RTCA: variants seen among roughly 807,000 people sequenced by gnomAD.
RTCA encodes the protein RNA 3'-terminal phosphate cyclase.
In RTCA, 37 loss-of-function variants were observed where a neutral mutation model predicts 46.1. The ratio of observed to expected loss-of-function variants is 0.80; its 90% CI spans 0.62 to 1.06. The LOEUF is 1.06. Ranked by LOEUF, RTCA falls within the 50% of genes least tolerant of loss-of-function variation. RTCA has a pLI of 0.00. For missense variants in RTCA, 435 were observed against 455.5 expected (o/e 0.95, Z 0.41); for synonymous variants, 164 against 158.3 (o/e 1.04, Z -0.27).
intron 3 of RTCA, among the ~76,000 whole-genome samples, chr1:100,270,128 A>G (rs902487299): frequency 6.6e-6 from 1 of 152,210 alleles, no homozygotes; most frequent in African/African-American, 2.4e-5. Flanking sequence ...GTAACTAATC[A>G]TATCCAGACC....
chr1:100,280,324 A>G (rs1295099175), intron 8 of RTCA, among the ~76,000 whole-genome samples: 1 of 152,206 alleles, frequency 6.6e-6, no homozygotes, highest in African/African-American at 2.4e-5. Context: ...TCAGTAATAC[A>G]TGGAATTTTT....
intron 3 of RTCA, among the ~76,000 whole-genome samples, chr1:100,268,756 C>T (rs1277084398): frequency 1.3e-5 from 2 of 152,124 alleles, no homozygotes; most frequent in Non-Finnish European, 2.9e-5. Context: ...CAGTTCAATA[C>T]TTAAGCATCA....
At chr1:100,269,020 C>CAT (rs962161629) in intron 3 of RTCA, among the ~76,000 whole-genome samples, 53 of 148,826 alleles carry the variant, frequency 3.6e-4, no homozygotes, top group African/African-American at 1.2e-3. Context: ...AAAACCCCGT[C>CAT]ATATATATAT....
intron 9 of RTCA, among the ~76,000 whole-genome samples, chr1:100,285,893 CAG>C (rs1405751264): frequency 6.6e-6 from 1 of 152,236 alleles, no homozygotes; most frequent in Non-Finnish European, 1.5e-5. Flanking sequence ...TTTGGCCTCC[CAG>C]AGTTTTGAGA....
Position 100,291,678 on chromosome 1 carries a change from C to T in RTCA, c.*174C>T, listed in dbSNP as rs2100820468. On this transcript the variant is annotated 3_prime_UTR_variant, in exon 11 of 11. Transcript: ENST00000370128. ...TAAATTAATCTCACTTTGAATATCT[C>T]CTGAGAGATGGACAATGAAATATCA... The T allele has an allele frequency of 2.4e-6, 1 of 412,428 alleles. No homozygotes were observed. Among genetic ancestry groups the T allele is most frequent in the African/African-American group, 2.0e-5 (1 of 48,796 alleles). 25.5% of individuals were successfully genotyped at this position (412,428 alleles called of 1,614,324 possible).
chr1:100,287,236 T>C (rs766732965), intron 10 of RTCA, 33 bp downstream of exon 10: 5 of 1,484,832 alleles, frequency 3.4e-6, no homozygotes, highest in Non-Finnish European at 4.5e-6. Flanking sequence ...AAATTGATAT[T>C]TTGATTTTTA....
chr1:100,277,846 C>T (rs1039795699), intron 8 of RTCA, among the ~76,000 whole-genome samples: 1 of 151,814 alleles, frequency 6.6e-6, no homozygotes, highest in African/African-American at 2.4e-5. Context: ...TCTTTAGTCC[C>T]TCTTTTAATA....
chr1:100,266,411 C>T lies in RTCA; in HGVS notation c.36C>T (p.Ile12=). The T allele has an allele frequency of 6.2e-7, 1 of 1,612,462 alleles. No homozygotes were observed. Among genetic ancestry groups the T allele is most frequent in the Non-Finnish European group, 8.5e-7 (1 of 1,179,428 alleles). ...CGCGGGTGGAGGTCGATGGCAGCATCATGGAAGGGGTGAGTACAGAGCGAA... is the reference window on the plus strand; with the variant it reads ...CGCGGGTGGAGGTCGATGGCAGCATTATGGAAGGGGTGAGTACAGAGCGAA... The part of the protein sequence containing the change: ...AGPRVEVDGS[I]MEGGGQILRV... Residue 12 remains isoleucine, a synonymous_variant, in exon 1 of 11, where the codon ATC becomes ATT. Coordinates refer to ENST00000370128, the MANE Select transcript of RTCA (RefSeq NM_003729.4).
chr1:100,270,604 C>G lies in RTCA; in HGVS notation c.338C>G (p.Ala113Gly). The G allele has an allele frequency of 6.2e-7, 1 of 1,614,092 alleles. No homozygotes were observed. Among genetic ancestry groups the G allele is most frequent in the Non-Finnish European group, 8.5e-7 (1 of 1,179,978 alleles). ...MQVSMPCVLF[A>G]ASPSELHLKG... ...GTCTCAATGCCGTGTGTTCTCTTTGCTGCTTCTCCATCAGAACTTCATTTG... is the reference window on the plus strand; with the variant it reads ...GTCTCAATGCCGTGTGTTCTCTTTGGTGCTTCTCCATCAGAACTTCATTTG... Residue 113 changes from alanine (A) to glycine (G), a missense_variant, in exon 4 of 11, where the codon GCT (alanine) becomes GGT (glycine). Physicochemically the swap from Ala to Gly is moderately conservative, Grantham distance 60. Coordinates refer to ENST00000370128, the MANE Select transcript of RTCA (RefSeq NM_003729.4).
At chr1:100,266,736 C>A in intron 2 of RTCA, 112 bp downstream of exon 2, 1 of 865,708 alleles carries the variant, frequency 1.2e-6, no homozygotes, top group Non-Finnish European at 1.8e-6. Flanking sequence ...GTCCCAGACG[C>A]AGGTATGGGC....
intron 10 of RTCA, among the ~76,000 whole-genome samples, chr1:100,289,304 T>G (rs532920867): frequency 6.8e-6 from 1 of 148,020 alleles, no homozygotes; most frequent in African/African-American, 2.5e-5. Flanking sequence ...AATTTTTTTT[T>G]TGTTTTTGTT....
chr1:100,281,318 A>G (rs1342462801), intron 8 of RTCA: 1 of 533,578 alleles, frequency 1.9e-6, no homozygotes, highest in Non-Finnish European at 3.8e-6. Flanking sequence ...GCAGTGTGTT[A>G]TGATAGAGAG....
At chr1:100,271,701 AT>A (rs1378283848) in intron 4 of RTCA, among the ~76,000 whole-genome samples, 2 of 152,098 alleles carry the variant, frequency 1.3e-5, no homozygotes, top group Non-Finnish European at 2.9e-5. Context: ...TTAAAGTGTA[AT>A]TTTTTCAATT....
intron 8 of RTCA, among the ~76,000 whole-genome samples, chr1:100,283,881 A>G (rs1666861087): frequency 7.7e-6 from 1 of 129,314 alleles, no homozygotes; most frequent in African/African-American, 2.7e-5. Context: ...TGAGTTCAGG[A>G]GTTTGAGACC....
At chr1:100,283,523 G>C (rs1025962922) in intron 8 of RTCA, among the ~76,000 whole-genome samples, 1 of 152,102 alleles carries the variant, frequency 6.6e-6, no homozygotes, top group African/African-American at 2.4e-5. Flanking sequence ...AAGCATTTCA[G>C]ATAAGGGTTA....
At chr1:100,267,604 T>G (rs371724695) in intron 2 of RTCA, 1 of 1,485,234 alleles carries the variant, frequency 6.7e-7, no homozygotes, top group Non-Finnish European at 9.0e-7. Flanking sequence ...CCTCTTCACA[T>G]GGTGGTTCCT....
At chr1:100,279,723 T>A (rs1666585216) in intron 8 of RTCA, among the ~76,000 whole-genome samples, 1 of 152,038 alleles carries the variant, frequency 6.6e-6, no homozygotes, top group Non-Finnish European at 1.5e-5. Context: ...AAGGCTGCAA[T>A]GAGCTATGAT....
At chr1:100,284,220 T>C (rs1271314221) in intron 8 of RTCA, among the ~76,000 whole-genome samples, 1 of 152,024 alleles carries the variant, frequency 6.6e-6, no homozygotes, top group African/African-American at 2.4e-5. Flanking sequence ...AGATTTGGAA[T>C]ATGTATGGAG....
chr1:100,279,793 T>G (rs1666588808), intron 8 of RTCA, among the ~76,000 whole-genome samples: 1 of 152,064 alleles, frequency 6.6e-6, no homozygotes, highest in Non-Finnish European at 1.5e-5. Context: ...AAAAATAGTG[T>G]TCTGTGTTTG....
Sources: allele counts gnomAD v4.1 joint callset (sites outside exome capture counted in the v4.1 genomes callset), GRCh38; gene constraint gnomAD v4.1.1; transcripts MANE v1.5; gene names NCBI Gene and HGNC (gene_info 2026-07-23, HGNC 2026-07-21).